The following ARHGEF10 variants were observed in gnomAD, a reference collection of about 807,000 sequenced individuals.
ARHGEF10 encodes Rho guanine nucleotide exchange factor 10, also known as Rho guanine nucleotide exchange factor (GEF) 10.
ARHGEF10 carries 140 observed loss-of-function variants against 147.4 expected under a neutral mutation model. That is an observed-to-expected ratio of 0.95 (90% CI 0.83 to 1.09). The LOEUF (loss-of-function observed/expected upper bound fraction) is 1.09, where lower values mean the gene tolerates loss of function less well. Ranked by LOEUF, ARHGEF10 falls within the 50% of genes least tolerant of loss-of-function variation. The pLI is 0.00. For missense variants in ARHGEF10, 2,222 were observed against 1,752.7 expected (o/e 1.27, Z -4.78); for synonymous variants, 902 against 695.8 (o/e 1.30, Z -4.67).
intron 18 of ARHGEF10, among the ~76,000 whole-genome samples, chr8:1,920,040 TG>T (rs1160521347): frequency 6.7e-6 from 1 of 149,538 alleles, no homozygotes; most frequent in Non-Finnish European, 1.5e-5. Context: ...CTATGGGTGA[TG>T]GAGCTGTTCC....
chr8:1,890,340 G>A (rs114580438), intron 11 of ARHGEF10, among the ~76,000 whole-genome samples: 1 of 150,826 alleles, frequency 6.6e-6, no homozygotes, highest in Non-Finnish European at 1.5e-5. Context: ...TACTGAGTGG[G>A]GTGAGAGTTG....
In ARHGEF10 at chr8:1,957,144, G is replaced by A; in HGVS notation, c.3916G>A (p.Ala1306Thr). ...GGCCAAGAAAGCCAAGGCCAGCTCG[G>A]CGCTGGTGGTCTGTGGAGGGCAGGG... ...RRAKKAKASS[A>T]LVVCGGQGHR... The change falls in exon 29 of 29, where the codon GCG becomes ACG. Residue 1306 changes from alanine (A) to threonine (T), a missense_variant. Transcript: ENST00000349830. The A allele has an allele frequency of 1.2e-6, 2 of 1,612,832 alleles. No individual in the cohort carries two copies. The highest frequency in any genetic ancestry group is 1.7e-6 in the Non-Finnish European group (2 of 1,180,044).
At chr8:1,952,234 C>T (rs999958124) in intron 27 of ARHGEF10, among the ~76,000 whole-genome samples, 2 of 152,208 alleles carry the variant, frequency 1.3e-5, no homozygotes, top group African/African-American at 2.4e-5. Context: ...GGTCCAACTG[C>T]GGCTGAGGGC....
intron 7 of ARHGEF10, among the ~76,000 whole-genome samples, chr8:1,871,823 C>G (rs757003922): frequency 6.6e-6 from 1 of 152,068 alleles, no homozygotes; most frequent in Admixed American, 6.5e-5. Context: ...TCTGAAAAAA[C>G]AAAACAAAAC....
intron 27 of ARHGEF10, among the ~76,000 whole-genome samples, chr8:1,947,360 T>C (rs13276575): frequency 0.93 from 141,574 of 152,262 alleles, 65,853 homozygotes; most frequent in East Asian, 1. Flanking sequence ...TACCCTGGTT[T>C]CAGAGTTCCG....
Position 1,918,428 on chromosome 8 carries a change from C to T in ARHGEF10, c.2144-4536C>T, listed in dbSNP as rs146235701. ...TTTAATACACTAGGGAAAGAGTATT[C>T]TCCCTTCCCATGATAGGTTCACATT... On this transcript the variant is annotated intron_variant, in intron 18 of 28. Coordinates refer to ENST00000349830, the MANE Select transcript of ARHGEF10 (RefSeq NM_014629.4). Among the ~76,000 whole-genome samples, 200 of 150,476 alleles carry T rather than the reference C, an allele frequency of 1.3e-3. No homozygotes were observed. The Middle Eastern group carries it at 0.018, about 13-fold the overall frequency.
upstream of ARHGEF10, among the ~76,000 whole-genome samples, chr8:1,823,772 G>T (rs938406597): frequency 2.6e-5 from 4 of 151,892 alleles, no homozygotes; most frequent in East Asian, 3.9e-4. Flanking sequence ...GGCAGCGGGA[G>T]GGGGCGCGGG....
chr8:1,891,708 G>C lies in ARHGEF10; in HGVS notation c.1183-1861G>C, dbSNP rs190996238. Among the ~76,000 whole-genome samples, 641 of 152,240 alleles carry C rather than the reference G, an allele frequency of 4.2e-3. 3 individuals are homozygous for C. The highest frequency in any genetic ancestry group is 0.014 in the African/African-American group (591 of 41,536). ...ATTTCTCCTCTATGACTTTAGGTCA[G>C]GCTTCTCAGGAAGAGAGTGACACTC... On this transcript the variant is annotated intron_variant, in intron 11 of 28. Coordinates refer to ENST00000349830, the MANE Select transcript of ARHGEF10 (RefSeq NM_014629.4).
At chr8:1,917,672 C>T (rs1563281988) in intron 18 of ARHGEF10, among the ~76,000 whole-genome samples, 1 of 152,218 alleles carries the variant, frequency 6.6e-6, no homozygotes. Flanking sequence ...CGACAAAGAA[C>T]TTCGCTCACA....
chr8:1,900,334 C>A (rs1486338146), intron 15 of ARHGEF10, among the ~76,000 whole-genome samples: 4 of 152,162 alleles, frequency 2.6e-5, no homozygotes, highest in Non-Finnish European at 5.9e-5. Flanking sequence ...TTTCCATCCA[C>A]CTTCAGCCGT....
intron 6 of ARHGEF10, among the ~76,000 whole-genome samples, chr8:1,868,570 G>T (rs954064722): frequency 2.0e-5 from 3 of 152,126 alleles, no homozygotes; most frequent in Admixed American, 1.3e-4. Context: ...TTATGAAACG[G>T]TTTCACTTTC....
chr8:1,882,445 G>T (rs1428651639), intron 9 of ARHGEF10, among the ~76,000 whole-genome samples, 190 bp from the exon 10 acceptor site: 1 of 152,192 alleles, frequency 6.6e-6, no homozygotes, highest in Admixed American at 6.5e-5. Flanking sequence ...AGGAAGGGCT[G>T]TATTTTTAAG....
rs1813695284 is a variant in ARHGEF10 at position 1,937,308 on chromosome 8, A to G, written c.3222+3366A>G. Among the ~76,000 whole-genome samples, 1 of 152,028 alleles carries G rather than the reference A, an allele frequency of 6.6e-6. No homozygotes were observed. The highest frequency in any genetic ancestry group is 1.5e-5 in the Non-Finnish European group (1 of 68,026). On this transcript the variant is annotated intron_variant, in intron 26 of 28. Coordinates refer to ENST00000349830, the MANE Select transcript of ARHGEF10 (RefSeq NM_014629.4). The surrounding 1 kb of genome is among the most constrained non-coding windows in gnomAD (Gnocchi z 4.9). The stretch of plus-strand genomic sequence containing the variant: ...CCGTGGATGCGGTCACAGCTTCTTG[A>G]GTTTTTCACAGCCCTTGTACCCCAT...
chr8:1,903,332 A>G lies in ARHGEF10; in HGVS notation c.1702A>G (p.Met568Val). The change falls in exon 16 of 29, where the codon ATG becomes GTG. Residue 568 changes from methionine (M) to valine (V), a missense_variant. Physicochemically the swap from Met to Val is conservative, Grantham distance 21. Transcript: ENST00000349830. ...CCACCCCGACAGGCTGCCTCTTCAG[A>G]TGGCCCTGACAGAGCTCGAAACACT... ...KGHPDRLPLQ[M>V]ALTELETLAE... 1 of 1,614,180 alleles carries G rather than the reference A, an allele frequency of 6.2e-7. No homozygotes were observed.
chr8:1,893,241 A>G (rs555954268), intron 11 of ARHGEF10, among the ~76,000 whole-genome samples: 1 of 152,226 alleles, frequency 6.6e-6, no homozygotes, highest in African/African-American at 2.4e-5. Flanking sequence ...AGGAAGTATC[A>G]TCTACCTGAA....
chr8:1,845,363 G>C (rs1256179963), intron 2 of ARHGEF10, among the ~76,000 whole-genome samples: 1 of 152,200 alleles, frequency 6.6e-6, no homozygotes, highest in Admixed American at 6.5e-5. Flanking sequence ...ATAGTTTTCT[G>C]TTTGAAGGGG....
intron 19 of ARHGEF10, 192 bp downstream of exon 19, chr8:1,923,271 A>G: frequency 2.2e-6 from 2 of 927,260 alleles, no homozygotes; most frequent in South Asian, 1.6e-5. Flanking sequence ...TTTTGCAAAT[A>G]GGGTTTAATA....
At chr8:1,953,217 CCGGGA>C in intron 28 of ARHGEF10, among the ~76,000 whole-genome samples, 3 of 137,454 alleles carry the variant, frequency 2.2e-5, no homozygotes, top group Non-Finnish European at 4.6e-5. Context: ...AAGAAGGAAG[CCGGGA>C]TCTCCGTCGT....
chr8:1,953,437 G>A (rs1377890462), intron 28 of ARHGEF10, among the ~76,000 whole-genome samples: 1 of 152,216 alleles, frequency 6.6e-6, no homozygotes. Context: ...AGGCTCCATT[G>A]TGCTATTGCA....
Sources: allele counts gnomAD v4.1 joint callset (sites outside exome capture counted in the v4.1 genomes callset), GRCh38; gene constraint gnomAD v4.1.1; non-coding constraint Gnocchi (gnomAD v3.1); transcripts MANE v1.5; gene names NCBI Gene and HGNC (gene_info 2026-07-23, HGNC 2026-07-21).